TNS4: variants seen among roughly 807,000 people sequenced by gnomAD.
TNS4 encodes the protein tensin 4.
TNS4 carries 46 observed loss-of-function variants against 70.4 expected under a neutral mutation model. The observed-to-expected ratio is 0.65, with a 90% CI of 0.52 to 0.84. TNS4 has a LOEUF of 0.84. Ranked by LOEUF, TNS4 falls within the 40% of genes least tolerant of loss-of-function variation. The pLI, the probability that TNS4 is intolerant of heterozygous loss-of-function variation, is 0.00. For missense variants in TNS4, 863 were observed against 907.0 expected, an observed-to-expected ratio of 0.95 and a Z score of 0.62; for synonymous variants, 390 against 366.6, an observed-to-expected ratio of 1.06 and a Z score of -0.73.
rs777759043 is a variant in TNS4 at position 40,482,399 on chromosome 17, G to A, written c.1519C>T (p.Leu507Phe). 3.1e-5 allele frequency: 50 copies of A among 1,613,920 alleles called. No individual in the cohort carries two copies. Among genetic ancestry groups the A allele is most frequent in the Non-Finnish European group, 3.9e-5 (46 of 1,180,032 alleles). Reference protein sequence around the residue: ...QSRPGEDSNDLIRHFLIESSA... With the variant: ...QSRPGEDSNDFIRHFLIESSA... Reference sequence around the variant, plus strand: ...GACTCGATGAGGAAGTGTCGGATGAGGTCATTGCTGTCCTCACCTGGACAG... The same window carrying A: ...GACTCGATGAGGAAGTGTCGGATGAAGTCATTGCTGTCCTCACCTGGACAG... Residue 507 changes from leucine (L) to phenylalanine (F), a missense_variant, in exon 7 of 13, where the codon CTC (leucine) becomes TTC (phenylalanine). Leu to Phe is a conservative substitution (Grantham distance 22). Coordinates refer to ENST00000254051, the MANE Select transcript of TNS4 (RefSeq NM_032865.6).
At chr17:40,496,590 A>G in intron 1 of TNS4, 70 bp from the exon 2 acceptor site, 1 of 706,948 alleles carries the variant, frequency 1.4e-6, no homozygotes, top group South Asian at 2.0e-5. Flanking sequence ...CCCTCCGTAC[A>G]AAGGCTAAGT....
At chr17:40,481,194 G>C (rs530586772) in intron 8 of TNS4, among the ~76,000 whole-genome samples, 1 of 152,308 alleles carries the variant, frequency 6.6e-6, no homozygotes, top group African/African-American at 2.4e-5. Context: ...ACACCCCTGA[G>C]ATGATCTATT....
At chr17:40,497,312 AGAGGGGAT>A (rs1218395568) in intron 1 of TNS4, among the ~76,000 whole-genome samples, 1 of 152,180 alleles carries the variant, frequency 6.6e-6, no homozygotes, top group African/African-American at 2.4e-5. Flanking sequence ...GATTTAAGTT[AGAGGGGAT>A]GAGCTGGGCG....
chr17:40,490,279 TCCCGAGGTCGG>T (rs554386353), intron 2 of TNS4, among the ~76,000 whole-genome samples: 136 of 152,340 alleles, frequency 8.9e-4, no homozygotes, highest in African/African-American at 3.0e-3. Context: ...CTTGTTCCTC[TCCCGAGGTCGG>T]CCTTGCAGTG....
chr17:40,478,749 T>C, intron 10 of TNS4, 101 bp from the exon 11 acceptor site: 1 of 1,348,688 alleles, frequency 7.4e-7, no homozygotes, highest in Non-Finnish European at 1.0e-6. Flanking sequence ...TGCCCTGTCC[T>C]CCAAGAAGTC....
Position 40,477,590 on chromosome 17 carries a change from A to G in TNS4, c.2146T>C (p.Ter716GlnextTer8). The G allele has an allele frequency of 6.2e-7, 1 of 1,613,988 alleles. No individual in the cohort carries two copies. The change falls in exon 13 of 13, where the codon TAG (stop) becomes CAG (glutamine). Residue 716 changes from the stop codon to glutamine, a stop_lost. Coordinates refer to ENST00000254051, the MANE Select transcript of TNS4 (RefSeq NM_032865.6). ...TAGGTGCACAGGCAGTCTCTCCCCT[A>G]CATCCTTTCTGCGTCCTGCAGCAGA... is the stretch of plus-strand genomic sequence containing the variant. ...TALLQDAERM[*>Q] is the part of the protein sequence containing the mutation.
At chr17:40,478,798 C>T (rs897973529) in intron 10 of TNS4, 150 bp from the exon 11 acceptor site, 1 of 789,036 alleles carries the variant, frequency 1.3e-6, no homozygotes, top group Non-Finnish European at 2.0e-6. Flanking sequence ...GCCTTTCCCA[C>T]TGGGGGGCCC....
intron 2 of TNS4, among the ~76,000 whole-genome samples, chr17:40,489,213 G>A (rs2036034751): frequency 6.6e-6 from 1 of 152,152 alleles, no homozygotes; most frequent in South Asian, 2.1e-4. Flanking sequence ...GACAGACCCA[G>A]GCTTCAGATC....
intron 4 of TNS4, among the ~76,000 whole-genome samples, chr17:40,486,530 C>A (rs1255554790): frequency 6.8e-6 from 1 of 147,750 alleles, no homozygotes; most frequent in East Asian, 1.9e-4. Context: ...AAGGCAAATT[C>A]CATTTTTTTT....
intron 2 of TNS4, among the ~76,000 whole-genome samples, chr17:40,492,429 C>T (rs1010260370): frequency 6.0e-5 from 9 of 151,156 alleles, no homozygotes; most frequent in Non-Finnish European, 1.0e-4. Flanking sequence ...ATTACAGTGG[C>T]GGGATCTTGG....
intron 1 of TNS4, among the ~76,000 whole-genome samples, chr17:40,499,073 G>T (rs2036179109): frequency 6.6e-6 from 1 of 152,140 alleles, no homozygotes; most frequent in Non-Finnish European, 1.5e-5. Flanking sequence ...AAAACTAAAA[G>T]GCAGAAATGA....
chr17:40,487,474 G>C lies in TNS4; in HGVS notation c.864-14C>G, dbSNP rs199666685. 10 of 1,589,902 alleles carry C rather than the reference G, an allele frequency of 6.3e-6. No individual in the cohort carries two copies. The Admixed American group carries it at 1.5e-4, about 24-fold the overall frequency. On this transcript the variant is annotated splice_polypyrimidine_tract_variant and intron_variant, in intron 3 of 12. Coordinates refer to ENST00000254051, the MANE Select transcript of TNS4 (RefSeq NM_032865.6). ...AGGGACTGGCTGCTGCAGCGGGAGAGAGTCAGACAGGGTGTTAGGGCAACA... is the reference window on the plus strand; with the variant it reads ...AGGGACTGGCTGCTGCAGCGGGAGACAGTCAGACAGGGTGTTAGGGCAACA...
chr17:40,482,145 GAGTTTGCA>G lies in TNS4; in HGVS notation c.1648_1655del (p.Cys550HisfsTer58). 1 of 1,614,224 alleles carries G rather than the reference GAGTTTGCA, an allele frequency of 6.2e-7. No homozygotes were observed. The highest frequency in any genetic ancestry group is 8.5e-7 in the Non-Finnish European group (1 of 1,180,028). On this transcript the variant is annotated frameshift_variant, in exon 8 of 13. Coordinates refer to ENST00000254051, the MANE Select transcript of TNS4 (RefSeq NM_032865.6). LOFTEE classifies it high-confidence loss of function. ...CAGACCCACCTCTCTGTGGGATGGT[GAGTTTGCA>G]GGGCAGGGCCAGGGCCATGATGGAA...
chr17:40,482,791 A>G (rs1309944232), intron 6 of TNS4, among the ~76,000 whole-genome samples: 3 of 151,846 alleles, frequency 2.0e-5, no homozygotes, highest in Non-Finnish European at 4.4e-5. Context: ...GGAAAAAAAA[A>G]AAATTCCACC....
intron 1 of TNS4, among the ~76,000 whole-genome samples, chr17:40,499,193 C>A (rs937318677): frequency 6.6e-6 from 1 of 152,184 alleles, no homozygotes; most frequent in Non-Finnish European, 1.5e-5. Context: ...TATAGAAATG[C>A]ACTGTGAAAA....
In TNS4 at chr17:40,488,842, G is replaced by A. The variant is rs763491686; in HGVS notation, c.567C>T (p.Asp189=). The A allele has an allele frequency of 9.3e-6, 15 of 1,613,636 alleles. No individual in the cohort carries two copies. Among genetic ancestry groups the A allele is most frequent in the Non-Finnish European group, 1.3e-5 (15 of 1,179,952 alleles). ...LRSGGLLLSR[D]VPRETRSSSE... ...TGCTGCTTCGTGTCTCTCGGGGGACGTCTCTGGAAAGGAGGAGGCCACCAC... is the reference window on the plus strand; with the variant it reads ...TGCTGCTTCGTGTCTCTCGGGGGACATCTCTGGAAAGGAGGAGGCCACCAC... Residue 189 remains aspartate (D), a synonymous_variant, in exon 3 of 13, where the codon GAC becomes GAT. Coordinates refer to ENST00000254051, the MANE Select transcript of TNS4 (RefSeq NM_032865.6).
At chr17:40,501,623 CGCCAGTTCACCTCCAGACCT>C (rs2036217515), upstream of TNS4, 2 of 152,210 alleles carry the variant, frequency 1.3e-5, no homozygotes, top group Non-Finnish European at 2.9e-5. Flanking sequence ...TCAGGAGAGG[CGCCAGTTCACCTCCAGACCT>C]GCCTTAAAAG....
Position 40,480,162 on chromosome 17 carries a change from A to G in TNS4, c.1742-320T>C, listed in dbSNP as rs2035903108. On this transcript the variant is annotated intron_variant, in intron 9 of 12. Transcript: ENST00000254051. ...ACTTAACGGCTGCTCTCCTCCCCAC[A>G]CCTCCATCTTCAAGGTCTTGGTTCA... is the stretch of plus-strand genomic sequence containing the variant. The G allele has an allele frequency of 1.4e-5, 5 of 355,526 alleles. No individual in the cohort carries two copies. In the South Asian group the frequency reaches 3.0e-4, roughly 21 times the overall value. The allele number at this position is 355,526 out of a possible 1,614,324, so 22.0% of individuals were successfully genotyped here. A position where few individuals can be genotyped will look rare whatever the true frequency, so the allele number is the denominator to read the frequency against.
At chr17:40,480,049 G>A (rs1320114395) in intron 9 of TNS4, 3 of 616,710 alleles carry the variant, frequency 4.9e-6, no homozygotes, top group Middle Eastern at 4.4e-4. Context: ...GCTTTGCATC[G>A]CCCTGGCCCC....
Sources: allele counts gnomAD v4.1 joint callset (sites outside exome capture counted in the v4.1 genomes callset), GRCh38; gene constraint gnomAD v4.1.1; transcripts MANE v1.5; gene names NCBI Gene and HGNC (gene_info 2026-07-23, HGNC 2026-07-21).